PLPP4: variants seen among roughly 807,000 people sequenced by gnomAD.
PLPP4 encodes phospholipid phosphatase 4, also known as diacylglycerol pyrophosphate like 2.
In PLPP4, 20 loss-of-function variants were observed where a neutral mutation model predicts 32.2. That is an observed-to-expected ratio of 0.62 (90% CI 0.44 to 0.90). PLPP4 has a LOEUF of 0.90. Among genes scored for constraint, PLPP4 ranks in the 40% least tolerant of loss-of-function variants. The probability of loss-of-function intolerance (pLI) is 0.00; values close to 1 mark genes in which losing one functional copy is unlikely to be tolerated. For missense variants in PLPP4, 257 were observed against 353.1 expected (o/e 0.73, Z 2.18); for synonymous variants, 127 against 133.0 (o/e 0.95, Z 0.31).
At chr10:120,514,135 T>G in intron 3 of PLPP4, 134 bp downstream of exon 3, 1 of 748,904 alleles carries the variant, frequency 1.3e-6, no homozygotes, top group Non-Finnish European at 2.3e-6. Context: ...CAAGATAAGA[T>G]AAAGATAAAC....
chr10:120,536,137 CA>C (rs1486739555), intron 5 of PLPP4, among the ~76,000 whole-genome samples: 23 of 151,936 alleles, frequency 1.5e-4, no homozygotes, highest in Admixed American at 6.5e-5. Flanking sequence ...AGGTTCAATA[CA>C]ATCTCTATCA....
chr10:120,579,504 A>G (rs1049056943), intron 6 of PLPP4, among the ~76,000 whole-genome samples: 6 of 152,194 alleles, frequency 3.9e-5, no homozygotes, highest in Admixed American at 3.9e-4. Context: ...ACCAAGCTTC[A>G]GGAGATTACT....
chr10:120,474,985 G>A (rs1166019792), intron 1 of PLPP4, among the ~76,000 whole-genome samples: 5 of 152,276 alleles, frequency 3.3e-5, no homozygotes, highest in Admixed American at 1.3e-4. Flanking sequence ...ATTTTAAATT[G>A]AGTATTTTAT....
chr10:120,471,042 A>G (rs939933563), intron 1 of PLPP4, among the ~76,000 whole-genome samples: 12 of 152,210 alleles, frequency 7.9e-5, no homozygotes, highest in Admixed American at 1.3e-4. Context: ...GGCCACATAC[A>G]TAGTAATTTT....
intron 1 of PLPP4, among the ~76,000 whole-genome samples, chr10:120,476,006 G>T (rs1843886795): frequency 6.6e-6 from 1 of 152,168 alleles, no homozygotes; most frequent in African/African-American, 2.4e-5. Context: ...GTCCTACTGT[G>T]CCAGGCACTG....
intron 5 of PLPP4, among the ~76,000 whole-genome samples, chr10:120,533,680 A>G (rs1355030851): frequency 6.6e-6 from 1 of 152,080 alleles, no homozygotes; most frequent in Admixed American, 6.5e-5. Flanking sequence ...ATCTTTATAT[A>G]TTACAAACCC....
intron 1 of PLPP4, among the ~76,000 whole-genome samples, chr10:120,459,392 G>A (rs2133764538): frequency 6.6e-6 from 1 of 152,318 alleles, no homozygotes; most frequent in Non-Finnish European, 1.5e-5. Context: ...TGGATGTTCA[G>A]ATGCTGTTAG....
chr10:120,550,702 T>TG (rs1443321513), intron 5 of PLPP4, among the ~76,000 whole-genome samples: 5 of 151,770 alleles, frequency 3.3e-5, no homozygotes, highest in Admixed American at 6.6e-5. Flanking sequence ...AATAAAAGTG[T>TG]GGGAAAAAAG....
intron 1 of PLPP4, 106 bp downstream of exon 1, chr10:120,457,467 T>A (rs1847840069): frequency 2.0e-6 from 2 of 1,022,522 alleles, no homozygotes; most frequent in Non-Finnish European, 2.8e-6. Context: ...CACTGGGGCC[T>A]GGGTTCGAGG....
intron 5 of PLPP4, among the ~76,000 whole-genome samples, chr10:120,574,168 A>ACACTCTCT (rs1849090021): frequency 6.4e-5 from 3 of 47,120 alleles, no homozygotes; most frequent in Non-Finnish European, 1.2e-4. Flanking sequence ...ACACACACAC[A>ACACTCTCT]CTCTCTCTCT....
At chr10:120,462,577 G>A (rs1012620909) in intron 1 of PLPP4, among the ~76,000 whole-genome samples, 1 of 152,212 alleles carries the variant, frequency 6.6e-6, no homozygotes, top group African/African-American at 2.4e-5. Flanking sequence ...GCACAAGCAT[G>A]GTCGGTGCCT....
chr10:120,570,360 C>T (rs1215243733), intron 5 of PLPP4, among the ~76,000 whole-genome samples: 3 of 152,146 alleles, frequency 2.0e-5, no homozygotes, highest in Non-Finnish European at 4.4e-5. Context: ...TTGCCTTTCT[C>T]CCTCAGAGAA....
At chr10:120,463,019 C>CTTTTT (rs71019771) in intron 1 of PLPP4, among the ~76,000 whole-genome samples, 25 of 89,334 alleles carry the variant, frequency 2.8e-4, no homozygotes, top group African/African-American at 5.7e-4. Context: ...AAGTTTCTTT[C>CTTTTT]TTTTTTTTTT....
intron 2 of PLPP4, among the ~76,000 whole-genome samples, chr10:120,509,370 C>A (rs1034553670): frequency 2.6e-5 from 4 of 152,168 alleles, no homozygotes; most frequent in Admixed American, 1.3e-4. Flanking sequence ...TGAGTCCATT[C>A]CGCACATTTT....
intron 5 of PLPP4, among the ~76,000 whole-genome samples, chr10:120,554,123 C>T (rs1344349589): frequency 6.6e-6 from 1 of 152,170 alleles, no homozygotes; most frequent in African/African-American, 2.4e-5. Context: ...TCTCTTTGCT[C>T]ATGCATATGA....
intron 1 of PLPP4, among the ~76,000 whole-genome samples, chr10:120,478,250 G>A (rs558976899): frequency 5.3e-5 from 8 of 152,314 alleles, no homozygotes; most frequent in African/African-American, 1.4e-4. Context: ...GCCTAGGGCT[G>A]ACTGTCCCAC....
rs533334319 is a variant in PLPP4 at position 120,560,395 on chromosome 10, G to A, written c.446-14736G>A. Among the ~76,000 whole-genome samples, 251 of 151,996 alleles carry A rather than the reference G, an allele frequency of 1.7e-3. 1 individual carries two copies. Among genetic ancestry groups the A allele is most frequent in the African/African-American group, 5.8e-3 (241 of 41,446 alleles). On this transcript the variant is annotated intron_variant, in intron 5 of 6. Transcript: ENST00000398250. ...TGTCACTGCAGCTGCACCAGCAGAT[G>A]TGAACACCTTATACATTTTCTGAAA...
intron 1 of PLPP4, among the ~76,000 whole-genome samples, chr10:120,497,697 A>G (rs965758462): frequency 6.6e-6 from 1 of 152,138 alleles, no homozygotes; most frequent in African/African-American, 2.4e-5. Flanking sequence ...GAGAAAATAT[A>G]TATAACTGCC....
intron 6 of PLPP4, chr10:120,587,152 G>A (rs1335301860): frequency 6.6e-6 from 1 of 152,568 alleles, no homozygotes; most frequent in Non-Finnish European, 1.5e-5. Flanking sequence ...GAACTAAAGG[G>A]AAGACCATGG....
Sources: allele counts gnomAD v4.1 joint callset (sites outside exome capture counted in the v4.1 genomes callset), GRCh38; gene constraint gnomAD v4.1.1; transcripts MANE v1.5; gene names NCBI Gene and HGNC (gene_info 2026-07-23, HGNC 2026-07-21).